KIF24: variants seen among roughly 807,000 people sequenced by gnomAD.
KIF24 encodes kinesin-like protein KIF24.
KIF24 carries 81 observed loss-of-function variants against 118.9 expected under a neutral mutation model. That is an observed-to-expected ratio of 0.68 (90% CI 0.57 to 0.82). The LOEUF (loss-of-function observed/expected upper bound fraction) is 0.82. Among genes scored for constraint, KIF24 ranks in the 40% least tolerant of loss-of-function variants. KIF24 has a pLI of 0.00. For missense variants in KIF24, 1,560 were observed against 1,661.6 expected, an observed-to-expected ratio of 0.94 and a Z score of 1.06; for synonymous variants, 599 against 610.0, an observed-to-expected ratio of 0.98 and a Z score of 0.27.
rs752873558 is a variant in KIF24, at chr9:34,254,354, C to T, written c.*26G>A. 4 of 1,597,928 alleles carry T rather than the reference C, an allele frequency of 2.5e-6. No homozygotes were observed. The East Asian group carries it at 6.7e-5, about 27-fold the overall frequency. ...CCCAGCACAGACTCCTGCAGGGCCCCCACCATCTCGGCACAGGGTCTGGCT... is the reference window on the plus strand; with the variant it reads ...CCCAGCACAGACTCCTGCAGGGCCCTCACCATCTCGGCACAGGGTCTGGCT... On this transcript the variant is annotated 3_prime_UTR_variant, in exon 13 of 13. Coordinates refer to ENST00000402558, the MANE Select transcript of KIF24 (RefSeq NM_194313.4).
chr9:34,320,658 CAAAAAAAAAAAA>C (rs68048466), intron 1 of KIF24, among the ~76,000 whole-genome samples: 3 of 54,442 alleles, frequency 5.5e-5, no homozygotes, highest in South Asian at 1.0e-3. Flanking sequence ...AACTCCTTCT[CAAAAAAAAAAAA>C]AAAAAAAAAA....
rs1467520273 is a variant in KIF24 at position 34,256,429 on chromosome 9, G to C, written c.3178C>G (p.Pro1060Ala). 1.9e-6 allele frequency: 3 copies of C among 1,613,772 alleles called. No homozygotes were observed. Among genetic ancestry groups the C allele is most frequent in the African/African-American group, 2.7e-5 (2 of 74,908 alleles). Reference protein sequence around the residue: ...SPLTMSLLENPDNEGSPPSEQ... With the variant: ...SPLTMSLLENADNEGSPPSEQ... ...GAGGGAGGAGACCCTTCGTTGTCTG[G>C]GTTCTCCAGGAGGGACATGGTGAGG... The change falls in exon 11 of 13, where the codon CCA becomes GCA. Residue 1060 changes from proline (P) to alanine (A), a missense_variant. Pro to Ala is a conservative substitution (Grantham distance 27). Coordinates refer to ENST00000402558, the MANE Select transcript of KIF24 (RefSeq NM_194313.4).
At chr9:34,283,042 A>G (rs1835906278) in intron 6 of KIF24, among the ~76,000 whole-genome samples, 3 of 134,778 alleles carry the variant, frequency 2.2e-5, no homozygotes, top group Non-Finnish European at 3.2e-5. Context: ...ACAAGAGCAA[A>G]ACTCCGTCTC....
chr9:34,276,608 T>C (rs571812620), intron 6 of KIF24, among the ~76,000 whole-genome samples: 67 of 152,264 alleles, frequency 4.4e-4, no homozygotes, highest in Middle Eastern at 3.4e-3. Context: ...ACTAAAAATA[T>C]TTTTTCCATG....
chr9:34,257,910 G>C lies in KIF24; in HGVS notation c.1697C>G (p.Ser566Cys). 1 of 1,613,966 alleles carries C rather than the reference G, an allele frequency of 6.2e-7. No individual in the cohort carries two copies. Residue 566 changes from serine to cysteine, a missense_variant, in exon 11 of 13, where the codon TCC becomes TGC. By Grantham distance (112) the Ser-to-Cys change is moderately radical (BLOSUM62 -1). Coordinates refer to ENST00000402558, the MANE Select transcript of KIF24 (RefSeq NM_194313.4). Reference protein sequence around the residue: ...VTSRNRTSGNSSPKRIQSSPG... With the variant: ...VTSRNRTSGNCSPKRIQSSPG... ...GGAGCTCTGAATTCGTTTTGGAGAG[G>C]AGTTTCCAGATGTCCGATTTCGACT...
intron 3 of KIF24, among the ~76,000 whole-genome samples, chr9:34,305,323 C>T (rs1326664653): frequency 6.6e-6 from 1 of 152,182 alleles, no homozygotes; most frequent in Non-Finnish European, 1.5e-5. Context: ...TTACCCACTG[C>T]AATCTACCCT....
Position 34,329,181 on chromosome 9 carries a change from C to G in KIF24, c.-101G>C, listed in dbSNP as rs112437065. On this transcript the variant is annotated 5_prime_UTR_variant, in exon 1 of 13. Coordinates refer to ENST00000402558, the MANE Select transcript of KIF24 (RefSeq NM_194313.4). ...GCCGTCGGGAGTGAGCCCCAAAGCC[C>G]GCAACCTAACAGTCCCGTCAACCCG... 2.0e-5 allele frequency among the ~76,000 whole-genome samples: 3 copies of G among 152,240 alleles called. No individual in the cohort carries two copies. Among genetic ancestry groups the G allele is most frequent in the South Asian group, 2.1e-4 (1 of 4,838 alleles).
Position 34,311,681 on chromosome 9 carries a change from TATATATACGTATATATGTAC to T in KIF24, c.-25-330_-25-311del, listed in dbSNP as rs1300174884. ...ATATACATATATACGTGTATATGTA[TATATATACGTATATATGTAC>T]ATATATACGTATATATGTATATACA... On this transcript the variant is annotated intron_variant, in intron 1 of 12. Transcript: ENST00000402558. 1.7e-3 allele frequency among the ~76,000 whole-genome samples: 193 copies of T among 115,482 alleles called. 2 individuals carry two copies. The highest frequency in any genetic ancestry group is 0.015 in the Admixed American group (154 of 10,584). The allele number at this position is 115,482 out of a possible 152,430, so 75.8% of individuals were successfully genotyped here.
intron 6 of KIF24, among the ~76,000 whole-genome samples, chr9:34,286,013 A>G (rs1261488556): frequency 2.0e-5 from 3 of 151,848 alleles, no homozygotes; most frequent in Admixed American, 6.6e-5. Flanking sequence ...CCACTGCCAT[A>G]GAGAAACACA....
Position 34,257,020 on chromosome 9 carries a change from G to A in KIF24, c.2587C>T (p.Gln863Ter), listed in dbSNP as rs1834874763. ...TCTGCCACCTGCTTCTCAGGACCCT[G>A]TCCCCACGTCTGGTGCAGGAAGAAT... is the stretch of plus-strand genomic sequence containing the variant. ...DSFFLHQTWG[Q>*]GPEKQVAERQ... The change falls in exon 11 of 13, where the codon CAG becomes TAG. Residue 863 changes from glutamine (Q) to a stop codon, truncating the protein, a stop_gained. Transcript: ENST00000402558. LOFTEE classifies it high-confidence loss of function. 1 of 1,613,890 alleles carries A rather than the reference G, an allele frequency of 6.2e-7. No homozygotes were observed. The highest frequency in any genetic ancestry group is 1.1e-5 in the South Asian group (1 of 91,084).
chr9:34,313,359 AG>A (rs200039721), intron 1 of KIF24, among the ~76,000 whole-genome samples: 4,096 of 152,300 alleles, frequency 0.027, 184 homozygotes, highest in African/African-American at 0.094. Flanking sequence ...CAGAACTCTG[AG>A]CAAATAAAAT....
At chr9:34,275,739 C>T (rs893347019) in intron 6 of KIF24, among the ~76,000 whole-genome samples, 5 of 152,004 alleles carry the variant, frequency 3.3e-5, no homozygotes, top group African/African-American at 4.8e-5. Context: ...ACTTGGGAGG[C>T]TGAGGCAGGG....
intron 1 of KIF24, among the ~76,000 whole-genome samples, chr9:34,328,252 T>A (rs1291149938): frequency 6.6e-6 from 1 of 152,156 alleles, no homozygotes; most frequent in East Asian, 1.9e-4. Flanking sequence ...AGAATACAAG[T>A]ACAAAGAAGA....
chr9:34,318,304 G>A lies in KIF24; in HGVS notation c.-25-6933C>T, dbSNP rs562195518. 2.1e-5 allele frequency: 12 copies of A among 565,482 alleles called. No individual in the cohort carries two copies. The highest frequency in any genetic ancestry group is 1.4e-4 in the South Asian group (7 of 49,438). 35.0% of individuals were successfully genotyped at this position (565,482 alleles called of 1,614,324 possible). On this transcript the variant is annotated intron_variant, in intron 1 of 12. Coordinates refer to ENST00000402558, the MANE Select transcript of KIF24 (RefSeq NM_194313.4). This position sits in a 1 kb window ranked among gnomAD's most constrained non-coding sequence, Gnocchi z 4.9. ...TAGAATCGTGTCGCGGCTCGAGAGC[G>A]AGACTCCCGTCTTGGAGCCAGCCCA...
chr9:34,296,301 C>A (rs1303265968), intron 4 of KIF24, among the ~76,000 whole-genome samples: 1 of 148,908 alleles, frequency 6.7e-6, no homozygotes, highest in Non-Finnish European at 1.5e-5. Context: ...CCGAGGCGGG[C>A]GGATCACGAG....
intron 8 of KIF24, among the ~76,000 whole-genome samples, chr9:34,268,386 C>T (rs774787574): frequency 6.6e-6 from 1 of 152,010 alleles, no homozygotes; most frequent in Non-Finnish European, 1.5e-5. Flanking sequence ...GGCTGATCTA[C>T]CTCAAGTGAT....
intron 1 of KIF24, among the ~76,000 whole-genome samples, chr9:34,324,542 C>T (rs1386351632): frequency 6.6e-6 from 1 of 152,214 alleles, no homozygotes; most frequent in East Asian, 1.9e-4. Flanking sequence ...CGTCTCATAC[C>T]TGTTCTCCTG....
Position 34,254,370 on chromosome 9 carries a change from G to C in KIF24, c.*10C>G, listed in dbSNP as rs994747950. On this transcript the variant is annotated 3_prime_UTR_variant, in exon 13 of 13. Coordinates refer to ENST00000402558, the MANE Select transcript of KIF24 (RefSeq NM_194313.4). ...GCAGGGCCCCCACCATCTCGGCACAGGGTCTGGCTCTAAGACGGCACTGTT... is the reference window on the plus strand; with the variant it reads ...GCAGGGCCCCCACCATCTCGGCACACGGTCTGGCTCTAAGACGGCACTGTT... 3 of 1,609,420 alleles carry C rather than the reference G, an allele frequency of 1.9e-6. No individual in the cohort carries two copies. The African/African-American group carries it at 4.0e-5, about 22-fold the overall frequency.
intron 6 of KIF24, among the ~76,000 whole-genome samples, chr9:34,280,209 G>A (rs1587933067): frequency 6.9e-6 from 1 of 144,154 alleles, no homozygotes; most frequent in South Asian, 2.2e-4. Flanking sequence ...GCGTGAACCC[G>A]GGAGGCGGAG....
Sources: allele counts gnomAD v4.1 joint callset (sites outside exome capture counted in the v4.1 genomes callset), GRCh38; gene constraint gnomAD v4.1.1; non-coding constraint Gnocchi (gnomAD v3.1); transcripts MANE v1.5; gene names NCBI Gene and HGNC (gene_info 2026-07-23, HGNC 2026-07-21).